The following GRB10 variants were observed in gnomAD, a reference collection of about 807,000 sequenced individuals.
GRB10 encodes the protein growth factor receptor bound protein 10.
GRB10 carries 20 observed loss-of-function variants against 80.9 expected under a neutral mutation model. The observed-to-expected ratio is 0.25, with a 90% CI of 0.17 to 0.36. GRB10 has a LOEUF of 0.36. Ranked by LOEUF, GRB10 falls within the 10% of genes least tolerant of loss-of-function variation. The pLI, the probability that GRB10 is intolerant of heterozygous loss-of-function variation, is 1.00. For synonymous variants in GRB10, 291 were observed against 291.5 expected (o/e 1.00, Z 0.02); for missense variants, 548 against 747.7 (o/e 0.73, Z 3.12).
intron 3 of GRB10, among the ~76,000 whole-genome samples, chr7:50,754,513 C>T (rs539991924): frequency 6.6e-6 from 1 of 152,294 alleles, no homozygotes; most frequent in South Asian, 2.1e-4. Context: ...CGCCAGGACC[C>T]TCTCTCTGCA....
At chr7:50,720,192 T>C (rs1369503713) in intron 4 of GRB10, among the ~76,000 whole-genome samples, 2 of 152,194 alleles carry the variant, frequency 1.3e-5, no homozygotes, top group Non-Finnish European at 2.9e-5. Flanking sequence ...ACTTTCTTCT[T>C]TAAGATCAAT....
At chr7:50,742,308 CACACACAT>C (rs1231483441) in intron 3 of GRB10, among the ~76,000 whole-genome samples, 4 of 147,170 alleles carry the variant, frequency 2.7e-5, no homozygotes, top group African/African-American at 1.0e-4. Flanking sequence ...CACACACACA[CACACACAT>C]ACACGGCATC....
At chr7:50,739,722 A>T (rs1350214207) in intron 3 of GRB10, among the ~76,000 whole-genome samples, 1 of 152,208 alleles carries the variant, frequency 6.6e-6, no homozygotes, top group Non-Finnish European at 1.5e-5. Context: ...TGTGGTCAAC[A>T]TCGGGGTCAC....
chr7:50,787,843 G>C (rs1309766523), upstream of GRB10, among the ~76,000 whole-genome samples: 1 of 152,222 alleles, frequency 6.6e-6, no homozygotes. Flanking sequence ...TGGAAGCTCA[G>C]GTAACACCCC....
chr7:50,626,994 G>A lies in GRB10; in HGVS notation c.505-16C>T, dbSNP rs757916408. Reference sequence around the variant, plus strand: ...CTTTAACATCCTGCAACACACAAAGGGGATAGTTACAGATAAACAACTTCG... The same window carrying A: ...CTTTAACATCCTGCAACACACAAAGAGGATAGTTACAGATAAACAACTTCG... On this transcript the variant is annotated splice_polypyrimidine_tract_variant and intron_variant, in intron 7 of 18. Coordinates refer to ENST00000401949, the MANE Select transcript of GRB10 (RefSeq NM_001350814.2). The A allele has an allele frequency of 1.9e-6, 3 of 1,613,432 alleles. No homozygotes were observed. The highest frequency in any genetic ancestry group is 1.7e-6 in the Non-Finnish European group (2 of 1,179,602).
chr7:50,686,979 G>A (rs551067306), intron 5 of GRB10, among the ~76,000 whole-genome samples: 5 of 152,230 alleles, frequency 3.3e-5, no homozygotes, highest in Admixed American at 2.6e-4. Flanking sequence ...CTAGAAGGCC[G>A]GAGCTGCCCT....
At position 50,756,039 on chromosome 7, in the gene GRB10, T is replaced by C. The variant is rs958740382; in HGVS notation, c.-199A>G. The C allele has an allele frequency of 5.5e-5, 22 of 398,574 alleles. No individual in the cohort carries two copies. The highest frequency in any genetic ancestry group is 6.2e-4 in the Middle Eastern group (1 of 1,608). The allele number at this position is 398,574 out of a possible 1,614,324, so 24.7% of individuals were successfully genotyped here. A position where few individuals can be genotyped will look rare whatever the true frequency, so the allele number is the denominator to read the frequency against. On this transcript the variant is annotated 5_prime_UTR_variant, in exon 3 of 19. It removes an upstream start codon present in the reference 5' UTR. Transcript: ENST00000401949. ...TGCAGCTGCTGCTTCCTGCTCAGCA[T>C]TGTGGTCAGCGCCAAAGCTGGAAAG...
At chr7:50,771,599 G>A (rs1049265260) in intron 2 of GRB10, among the ~76,000 whole-genome samples, 1 of 152,192 alleles carries the variant, frequency 6.6e-6, no homozygotes, top group Non-Finnish European at 1.5e-5. Flanking sequence ...TGTTAAAACA[G>A]GAGCCAAAAC....
At chr7:50,719,179 G>A (rs190760250) in intron 4 of GRB10, among the ~76,000 whole-genome samples, 11 of 152,286 alleles carry the variant, frequency 7.2e-5, no homozygotes, top group East Asian at 3.9e-4. Context: ...CTGGATAAAC[G>A]GGGCGGAGAC....
At chr7:50,716,753 A>G (rs1259832438) in intron 4 of GRB10, among the ~76,000 whole-genome samples, 2 of 152,178 alleles carry the variant, frequency 1.3e-5, no homozygotes, top group African/African-American at 4.8e-5. Flanking sequence ...CCAGTGACCA[A>G]TCTCCAAAGA....
intron 2 of GRB10, among the ~76,000 whole-genome samples, chr7:50,780,396 C>G (rs534475302): frequency 6.6e-6 from 1 of 152,326 alleles, no homozygotes; most frequent in African/African-American, 2.4e-5. Flanking sequence ...AGGACTCATA[C>G]TGCCTCAAGG....
At chr7:50,632,421 C>A (rs78730811) in intron 7 of GRB10, among the ~76,000 whole-genome samples, 4,649 of 152,298 alleles carry the variant, frequency 0.031, 224 homozygotes, top group African/African-American at 0.1. Context: ...CAGGACGCAG[C>A]ACACTGCCCA....
chr7:50,701,251 G>A (rs1166144274), intron 5 of GRB10, among the ~76,000 whole-genome samples: 2 of 152,124 alleles, frequency 1.3e-5, no homozygotes, highest in Non-Finnish European at 2.9e-5. Flanking sequence ...TTTCCCATAT[G>A]TGCCCTGTTT....
chr7:50,607,332 T>C (rs2048716656), intron 13 of GRB10, among the ~76,000 whole-genome samples: 1 of 152,230 alleles, frequency 6.6e-6, no homozygotes, highest in Non-Finnish European at 1.5e-5. Flanking sequence ...ATTTTAACTT[T>C]ATATAATAGA....
chr7:50,592,820 T>G lies in GRB10; in HGVS notation c.*132A>C. On this transcript the variant is annotated 3_prime_UTR_variant, in exon 19 of 19. Coordinates refer to ENST00000401949, the MANE Select transcript of GRB10 (RefSeq NM_001350814.2). ...AACAAACTAGTCAATCTTGGTCGGC[T>G]GGCACCGAACAAACCCATCTCGCTC... 3 of 1,042,458 alleles carry G rather than the reference T, an allele frequency of 2.9e-6. No individual in the cohort carries two copies. The highest frequency in any genetic ancestry group is 1.5e-6 in the Non-Finnish European group (1 of 675,414). The allele number at this position is 1,042,458 out of a possible 1,614,324, so 64.6% of individuals were successfully genotyped here.
At chr7:50,603,074 C>A (rs142141627) in intron 17 of GRB10, among the ~76,000 whole-genome samples, 1 of 152,110 alleles carries the variant, frequency 6.6e-6, no homozygotes, top group Non-Finnish European at 1.5e-5. Context: ...TTTTGTAAAA[C>A]GAAGGACACA....
At chr7:50,604,431 C>A in intron 15 of GRB10, 54 bp from the exon 16 acceptor site, 1 of 1,436,066 alleles carries the variant, frequency 7.0e-7, no homozygotes, top group South Asian at 1.1e-5. Context: ...CACACCAAGT[C>A]ACCCAATATG....
chr7:50,741,343 A>T (rs1035835144), intron 3 of GRB10, among the ~76,000 whole-genome samples: 1 of 152,190 alleles, frequency 6.6e-6, no homozygotes, highest in African/African-American at 2.4e-5. Flanking sequence ...AAAGAAGAGT[A>T]GTGCATTTTA....
intron 7 of GRB10, among the ~76,000 whole-genome samples, chr7:50,627,573 C>T (rs990888454): frequency 2.0e-5 from 3 of 152,152 alleles, no homozygotes; most frequent in African/African-American, 7.2e-5. Context: ...GATTCTTTAG[C>T]CCCTAACCCC....
Sources: gnomAD v4.1 joint callset for allele counts (sites outside exome capture counted in the v4.1 genomes callset) on GRCh38, gnomAD v4.1.1 for gene constraint, MANE v1.5 for transcripts, NCBI Gene and HGNC (gene_info 2026-07-23, HGNC 2026-07-21) for gene names.